PKP4: variants seen among roughly 807,000 people sequenced by gnomAD.
PKP4 encodes the protein plakophilin-4.
A neutral mutation model predicts 145.1 loss-of-function variants in PKP4; 90 were observed. The ratio of observed to expected loss-of-function variants is 0.62; its 90% CI spans 0.52 to 0.74. The LOEUF (loss-of-function observed/expected upper bound fraction) is 0.74, where lower values mean the gene tolerates loss of function less well. Among genes scored for constraint, PKP4 ranks in the 30% least tolerant of loss-of-function variants. The pLI is 0.00. For missense variants in PKP4, 1,340 were observed against 1,482.7 expected, an observed-to-expected ratio of 0.90 and a Z score of 1.58; for synonymous variants, 563 against 577.2, an observed-to-expected ratio of 0.98 and a Z score of 0.35.
chr2:158,624,760 T>C lies in PKP4; in HGVS notation c.604-118T>C, dbSNP rs139177301. The C allele has an allele frequency of 5.1e-4, 351 of 694,110 alleles. 1 individual carries two copies. The African/African-American group carries it at 5.8e-3, about 12-fold the overall frequency. 43.0% of individuals were successfully genotyped at this position (694,110 alleles called of 1,614,324 possible). ...CAAAGCATAAAAAGGAAAAGAATCT[T>C]AGATGCCTAAAATAGTGGATTCACA... On this transcript the variant is annotated intron_variant, in intron 6 of 21. Transcript: ENST00000389759.
At chr2:158,617,168 A>G (rs545291439) in intron 4 of PKP4, among the ~76,000 whole-genome samples, 50 of 152,344 alleles carry the variant, frequency 3.3e-4, no homozygotes, top group African/African-American at 8.9e-4. Flanking sequence ...CATGATTCCA[A>G]TAATTTTGCA....
intron 1 of PKP4, among the ~76,000 whole-genome samples, chr2:158,486,703 G>A (rs910868472): frequency 6.6e-6 from 1 of 152,326 alleles, no homozygotes; most frequent in East Asian, 1.9e-4. Flanking sequence ...TTGGGAAGCA[G>A]TCTAGAAAGA....
At chr2:158,529,370 G>A (rs950443744) in intron 1 of PKP4, among the ~76,000 whole-genome samples, 1 of 152,044 alleles carries the variant, frequency 6.6e-6, no homozygotes. Context: ...TTCTTTTCTT[G>A]TTCCATTAAC....
intron 1 of PKP4, among the ~76,000 whole-genome samples, chr2:158,508,626 A>C (rs906080684): frequency 6.6e-6 from 1 of 152,124 alleles, no homozygotes; most frequent in African/African-American, 2.4e-5. Context: ...TACTCCATCA[A>C]AGTGCCAGCT....
chr2:158,571,396 T>C (rs2047397245), intron 2 of PKP4, among the ~76,000 whole-genome samples: 1 of 152,130 alleles, frequency 6.6e-6, no homozygotes, highest in African/African-American at 2.4e-5. Flanking sequence ...ATATAACATA[T>C]ACTGACAGCA....
chr2:158,633,144 T>G (rs986772003), intron 8 of PKP4, among the ~76,000 whole-genome samples: 3 of 152,228 alleles, frequency 2.0e-5, no homozygotes, highest in Non-Finnish European at 4.4e-5. Flanking sequence ...TGTATAATAG[T>G]CTGTCTATAT....
chr2:158,496,759 C>CGCT (rs1695776057), intron 1 of PKP4, among the ~76,000 whole-genome samples: 1 of 144,856 alleles, frequency 6.9e-6, no homozygotes, highest in African/African-American at 2.5e-5. Flanking sequence ...CTTCTCTCTC[C>CGCT]GTGTGTGTGT....
rs376916711 is a variant in PKP4 at position 158,557,413 on chromosome 2, A to T, written c.133-19858A>T. Among the ~76,000 whole-genome samples, 11 of 152,314 alleles carry T rather than the reference A, an allele frequency of 7.2e-5. No homozygotes were observed. In the East Asian group the frequency reaches 2.1e-3, roughly 29 times the overall value. On this transcript the variant is annotated intron_variant, in intron 2 of 21. Transcript: ENST00000389759. Reference sequence around the variant, plus strand: ...GAGCTGGGGTAGTGAACCAGAAAACATCAAGTCATTCTATATACTGTCCTG... The same window carrying T: ...GAGCTGGGGTAGTGAACCAGAAAACTTCAAGTCATTCTATATACTGTCCTG...
rs550561437 is a variant in PKP4, at chr2:158,487,268, A to T, written c.-6+30050A>T. On this transcript the variant is annotated intron_variant, in intron 1 of 21. Transcript: ENST00000389759. ...TTTAACTGGCACAAAGCCTTTTTTTAAAAAAAAGCACATTTGTATAAACCA... is the reference window on the plus strand; with the variant it reads ...TTTAACTGGCACAAAGCCTTTTTTTTAAAAAAAGCACATTTGTATAAACCA... Among the ~76,000 whole-genome samples the T allele has an allele frequency of 1.4e-3, 218 of 152,114 alleles. 1 individual carries two copies. The highest frequency in any genetic ancestry group is 4.6e-3 in the African/African-American group (193 of 41,516).
Position 158,640,651 on chromosome 2 carries a change from G to A in PKP4, c.1587G>A (p.Glu529=), listed in dbSNP as rs148853485. The change falls in exon 10 of 22, where the codon GAG becomes GAA. Residue 529 remains glutamate, a synonymous_variant. Transcript: ENST00000389759. ...GGGAGTTTGCCTGGCGTGATCCTGA[G>A]TTGCCTGAGGTCATTCACATGCTTC... is the stretch of plus-strand genomic sequence containing the variant. ...DPREFAWRDP[E]LPEVIHMLQH... The A allele has an allele frequency of 2.2e-5, 36 of 1,613,540 alleles. No homozygotes were observed. Among genetic ancestry groups the A allele is most frequent in the Non-Finnish European group, 3.1e-5 (36 of 1,179,964 alleles).
At chr2:158,507,781 G>C (rs2041127474) in intron 1 of PKP4, among the ~76,000 whole-genome samples, 1 of 152,094 alleles carries the variant, frequency 6.6e-6, no homozygotes, top group Non-Finnish European at 1.5e-5. Flanking sequence ...GGTAGTGTGG[G>C]GGGGTCTCCG....
intron 7 of PKP4, among the ~76,000 whole-genome samples, chr2:158,627,473 A>G (rs1358260743): frequency 6.6e-6 from 1 of 152,050 alleles, no homozygotes; most frequent in Non-Finnish European, 1.5e-5. Flanking sequence ...TATAATGTCT[A>G]TTTTTTAGGC....
chr2:158,622,933 T>G (rs2052394296), intron 6 of PKP4, among the ~76,000 whole-genome samples: 1 of 152,234 alleles, frequency 6.6e-6, no homozygotes. Context: ...TATATAAATT[T>G]TATTGCCCTT....
intron 1 of PKP4, among the ~76,000 whole-genome samples, chr2:158,526,127 C>T (rs1427140974): frequency 6.7e-6 from 1 of 148,758 alleles, no homozygotes; most frequent in Non-Finnish European, 1.5e-5. Context: ...CTCCCTAACT[C>T]ATTTTATGAG....
chr2:158,580,572 T>C (rs952466895), intron 3 of PKP4, among the ~76,000 whole-genome samples: 1 of 152,218 alleles, frequency 6.6e-6, no homozygotes, highest in African/African-American at 2.4e-5. Flanking sequence ...GGAGACCAAC[T>C]GAAAGTTGTT....
intron 1 of PKP4, among the ~76,000 whole-genome samples, chr2:158,498,839 G>A (rs1696138350): frequency 6.7e-6 from 1 of 149,036 alleles, no homozygotes; most frequent in South Asian, 2.1e-4. Flanking sequence ...TTTTCCTTCA[G>A]GGGTGAGAGA....
At chr2:158,651,376 GCCT>G (rs1183233667) in intron 11 of PKP4, among the ~76,000 whole-genome samples, 1 of 151,820 alleles carries the variant, frequency 6.6e-6, no homozygotes, top group African/African-American at 2.4e-5. Flanking sequence ...TTCCCTTTTG[GCCT>G]CCTCCCTCCT....
chr2:158,615,680 A>G (rs2051535844), intron 4 of PKP4, among the ~76,000 whole-genome samples: 2 of 152,300 alleles, frequency 1.3e-5, no homozygotes, highest in Admixed American at 1.3e-4. Context: ...TGTGGAAATC[A>G]CTACGATACC....
At chr2:158,492,677 T>C (rs1356435443) in intron 1 of PKP4, among the ~76,000 whole-genome samples, 1 of 152,212 alleles carries the variant, frequency 6.6e-6, no homozygotes, top group Non-Finnish European at 1.5e-5. Flanking sequence ...ATAGTATTTT[T>C]TTCTGTCTCC....
Sources: gnomAD v4.1 joint callset for allele counts (sites outside exome capture counted in the v4.1 genomes callset) on GRCh38, gnomAD v4.1.1 for gene constraint, MANE v1.5 for transcripts, NCBI Gene and HGNC (gene_info 2026-07-23, HGNC 2026-07-21) for gene names.